DNAJC21: variants seen among roughly 807,000 people sequenced by gnomAD.
DNAJC21 encodes the protein dnaJ homolog subfamily C member 21.
DNAJC21 carries 63 observed loss-of-function variants against 72.4 expected under a neutral mutation model. The observed-to-expected ratio is 0.87, with a 90% confidence interval of 0.71 to 1.07. The LOEUF (loss-of-function observed/expected upper bound fraction) is 1.07. Ranked by LOEUF, DNAJC21 falls within the 50% of genes least tolerant of loss-of-function variation. DNAJC21 has a pLI of 0.00. For synonymous variants in DNAJC21, 203 were observed against 216.7 expected (o/e 0.94, Z 0.56); for missense variants, 634 against 644.8 (o/e 0.98, Z 0.18).
intron 8 of DNAJC21, 159 bp from the exon 9 acceptor site, chr5:34,945,602 T>G: frequency 1.7e-6 from 1 of 599,322 alleles, no homozygotes; most frequent in Non-Finnish European, 2.8e-6. Flanking sequence ...AATGACAATG[T>G]GAATACTTTA....
intron 10 of DNAJC21, chr5:34,952,348 C>G: frequency 1.3e-6 from 1 of 741,776 alleles, no homozygotes; most frequent in Non-Finnish European, 1.6e-6. Context: ...TTGATGTTTT[C>G]AAAGCTGGCT....
In DNAJC21 at chr5:34,937,400, T is replaced by C. The variant is rs766848027; in HGVS notation, c.513T>C (p.Asp171=). 4.3e-6 allele frequency: 7 copies of C among 1,613,944 alleles called. No homozygotes were observed. In the Admixed American group the frequency reaches 1.0e-4, roughly 23 times the overall value. ...ATTTTGCATGGAAGGAAGAATATGATACACGACAGGCTTCAAACCGCTGGG... is the reference window on the plus strand; with the variant it reads ...ATTTTGCATGGAAGGAAGAATATGACACACGACAGGCTTCAAACCGCTGGG... ...QKNFAWKEEY[D]TRQASNRWEK... Residue 171 remains aspartate, a synonymous_variant, in exon 5 of 12, where the codon GAT becomes GAC. Coordinates refer to ENST00000648817, the MANE Select transcript of DNAJC21 (RefSeq NM_001012339.3).
At chr5:34,932,676 A>G (rs565549500) in intron 1 of DNAJC21, among the ~76,000 whole-genome samples, 1 of 151,988 alleles carries the variant, frequency 6.6e-6, no homozygotes, top group Non-Finnish European at 1.5e-5. Flanking sequence ...CAGCTCACCA[A>G]CTCACCAGCT....
At chr5:34,943,090 G>C (rs904459897) in intron 7 of DNAJC21, among the ~76,000 whole-genome samples, 5 of 151,914 alleles carry the variant, frequency 3.3e-5, no homozygotes, top group African/African-American at 9.7e-5. Flanking sequence ...AAAAAGTAAG[G>C]TTATTCTCTT....
intron 2 of DNAJC21, among the ~76,000 whole-genome samples, chr5:34,934,543 T>C (rs944685801): frequency 3.9e-5 from 6 of 152,128 alleles, no homozygotes; most frequent in African/African-American, 1.4e-4. Context: ...TACAGTGTTT[T>C]AATACAAGAA....
At chr5:34,936,393 A>G in intron 4 of DNAJC21, 127 bp downstream of exon 4, 1 of 1,107,206 alleles carries the variant, frequency 9.0e-7, no homozygotes, top group East Asian at 2.7e-5. Context: ...ATCATATCTC[A>G]CAGCAGCCTC....
intron 2 of DNAJC21, among the ~76,000 whole-genome samples, chr5:34,934,884 G>A (rs1212819869): frequency 3.3e-5 from 5 of 152,182 alleles, no homozygotes; most frequent in Non-Finnish European, 7.3e-5. Context: ...CTCAGAGAGA[G>A]GATCCTGAAC....
In DNAJC21 at chr5:34,955,916, A is replaced by G. The variant is rs906581168; in HGVS notation, c.*1202A>G. 4 of 149,342 alleles carry G rather than the reference A, an allele frequency of 2.7e-5. No individual in the cohort carries two copies. The highest frequency in any genetic ancestry group is 4.9e-5 in the African/African-American group (2 of 40,762). The allele number at this position is 149,342 out of a possible 1,614,324, so 9.3% of individuals were successfully genotyped here. On this transcript the variant is annotated 3_prime_UTR_variant, in exon 12 of 12. Transcript: ENST00000648817. ...AAAATACAAAAAATTAGCCGGGCGT[A>G]GTGGCGGGCGCCTGTAGTCCCAGCT...
intron 7 of DNAJC21, among the ~76,000 whole-genome samples, chr5:34,944,527 A>G (rs1176712965): frequency 6.6e-6 from 1 of 152,132 alleles, no homozygotes; most frequent in Non-Finnish European, 1.5e-5. Context: ...TAAGTAGAGA[A>G]TTTGTCCAAA....
chr5:34,929,702 C>T lies in DNAJC21; in HGVS notation c.-118C>T. 1 of 286,342 alleles carries T rather than the reference C, an allele frequency of 3.5e-6. No homozygotes were observed. The highest frequency in any genetic ancestry group is 5.2e-6 in the Non-Finnish European group (1 of 192,556). The allele number at this position is 286,342 out of a possible 1,614,324, so 17.7% of individuals were successfully genotyped here. A position where few individuals can be genotyped will look rare whatever the true frequency, so the allele number is the denominator to read the frequency against. On this transcript the variant is annotated 5_prime_UTR_variant, in exon 1 of 12. Transcript: ENST00000648817. ...GCCGGGCTCGCTGGCTGGCCCGGTG[C>T]GGGCGGCGGACTCCCGCCGGAGAGG...
At chr5:34,938,045 G>T (rs548328157) in intron 5 of DNAJC21, among the ~76,000 whole-genome samples, 1 of 152,042 alleles carries the variant, frequency 6.6e-6, no homozygotes, top group Non-Finnish European at 1.5e-5. Flanking sequence ...CGATCTGCCC[G>T]CCTCAGCCTC....
intron 1 of DNAJC21, 157 bp downstream of exon 1, chr5:34,930,073 C>G (rs1484338458): frequency 8.3e-6 from 4 of 484,798 alleles, no homozygotes; most frequent in Non-Finnish European, 1.1e-5. Context: ...GCCGCCCTGC[C>G]CGTCTCGGTG....
At chr5:34,943,596 C>T (rs975515067) in intron 7 of DNAJC21, among the ~76,000 whole-genome samples, 2 of 152,206 alleles carry the variant, frequency 1.3e-5, no homozygotes, top group Non-Finnish European at 2.9e-5. Flanking sequence ...TGAGGAGACA[C>T]TTTAAAACTA....
intron 11 of DNAJC21, 114 bp from the exon 12 acceptor site, chr5:34,954,439 G>C (rs1183469420): frequency 1.5e-6 from 2 of 1,319,588 alleles, no homozygotes; most frequent in Non-Finnish European, 2.0e-6. Flanking sequence ...TGTCCACTCT[G>C]TTAAAACATC....
At chr5:34,949,210 G>A (rs1343399014) in intron 9 of DNAJC21, among the ~76,000 whole-genome samples, 2 of 151,960 alleles carry the variant, frequency 1.3e-5, no homozygotes, top group Non-Finnish European at 2.9e-5. Context: ...TTTGCTTCCC[G>A]GGATTATAGT....
In DNAJC21 at chr5:34,957,290, C is replaced by G. The variant is rs189454791; in HGVS notation, c.*2576C>G. The G allele has an allele frequency of 2.6e-5, 4 of 152,318 alleles. No homozygotes were observed. The East Asian group carries it at 7.7e-4, about 29-fold the overall frequency. The allele number at this position is 152,318 out of a possible 1,614,324, so 9.4% of individuals were successfully genotyped here. A position where few individuals can be genotyped will look rare whatever the true frequency, so the allele number is the denominator to read the frequency against. On this transcript the variant is annotated 3_prime_UTR_variant, in exon 12 of 12. Coordinates refer to ENST00000648817, the MANE Select transcript of DNAJC21 (RefSeq NM_001012339.3). ...TGAAGTTAGCTCAGATGTGGAGATT[C>G]ATAGAATGAGGGTCCAGGAGAAGAA...
intron 6 of DNAJC21, 88 bp from the exon 7 acceptor site, chr5:34,941,008 T>TA (rs1342151831): frequency 1.8e-6 from 2 of 1,121,652 alleles, no homozygotes; most frequent in African/African-American, 1.6e-5. Flanking sequence ...GGTAAAGAAA[T>TA]AAAAAAATTT....
At chr5:34,935,335 A>G (rs1367540656) in intron 2 of DNAJC21, among the ~76,000 whole-genome samples, 4 of 152,190 alleles carry the variant, frequency 2.6e-5, no homozygotes, top group Admixed American at 2.6e-4. Flanking sequence ...ATTCCAGTGC[A>G]TCTTGGTAAA....
chr5:34,942,703 T>C (rs1765037942), intron 7 of DNAJC21, among the ~76,000 whole-genome samples: 1 of 152,242 alleles, frequency 6.6e-6, no homozygotes, highest in African/African-American at 2.4e-5. Flanking sequence ...ACAGTATTTT[T>C]CTGAATAATT....
Sources: gnomAD v4.1 joint callset for allele counts (sites outside exome capture counted in the v4.1 genomes callset) on GRCh38, gnomAD v4.1.1 for gene constraint, MANE v1.5 for transcripts, NCBI Gene and HGNC (gene_info 2026-07-23, HGNC 2026-07-21) for gene names.